PTPRD: variants seen among roughly 807,000 people sequenced by gnomAD.
The protein encoded by PTPRD is protein tyrosine phosphatase receptor type D, also known as receptor-type tyrosine-protein phosphatase delta.
A neutral mutation model predicts 214.5 loss-of-function variants in PTPRD; 34 were observed. That is an observed-to-expected ratio of 0.16 (90% CI 0.12 to 0.21). PTPRD has a LOEUF of 0.21. PTPRD is among the 10% of genes least tolerant of loss of function. PTPRD has a pLI of 1.00. For synonymous variants in PTPRD, 1,128 were observed against 845.7 expected, an observed-to-expected ratio of 1.33 and a Z score of -5.79; for missense variants, 2,545 against 2,398.7, an observed-to-expected ratio of 1.06 and a Z score of -1.27.
chr9:8,321,228 G>A (rs1320912489), intron 44 of PTPRD, among the ~76,000 whole-genome samples: 2 of 151,386 alleles, frequency 1.3e-5, no homozygotes, highest in East Asian at 3.9e-4. Context: ...AATGATCTAG[G>A]TACTCCAGAG....
chr9:8,587,444 A>C (rs1564542569), intron 14 of PTPRD, among the ~76,000 whole-genome samples: 1 of 152,244 alleles, frequency 6.6e-6, no homozygotes, highest in Non-Finnish European at 1.5e-5. Context: ...AAAGAAAAGA[A>C]TAAATACATA....
At chr9:8,803,158 C>T (rs1010579324) in intron 11 of PTPRD, among the ~76,000 whole-genome samples, 1 of 152,136 alleles carries the variant, frequency 6.6e-6, no homozygotes, top group Admixed American at 6.5e-5. Flanking sequence ...AAGCAATTGA[C>T]ACATAGTCAT....
chr9:9,606,772 A>C (rs1404625234), intron 7 of PTPRD, among the ~76,000 whole-genome samples: 1 of 151,828 alleles, frequency 6.6e-6, no homozygotes, highest in Non-Finnish European at 1.5e-5. Flanking sequence ...AAATGGGTAG[A>C]TAGAGGTGGA....
intron 4 of PTPRD, among the ~76,000 whole-genome samples, chr9:9,946,563 T>C (rs1321735650): frequency 6.6e-6 from 1 of 151,746 alleles, no homozygotes; most frequent in Non-Finnish European, 1.5e-5. Context: ...TGCCTGGATC[T>C]TACCGAGGCA....
chr9:9,913,986 G>A (rs534251827), intron 5 of PTPRD, among the ~76,000 whole-genome samples: 32 of 152,180 alleles, frequency 2.1e-4, no homozygotes, highest in Non-Finnish European at 4.3e-4. Flanking sequence ...TACAACCCCA[G>A]CTATGTGGAC....
chr9:8,499,050 A>T (rs184241560), intron 25 of PTPRD, among the ~76,000 whole-genome samples: 46 of 152,226 alleles, frequency 3.0e-4, no homozygotes, highest in Non-Finnish European at 4.6e-4. Context: ...CCTTGGTTCA[A>T]CGTAAGGATC....
At chr9:8,432,444 G>A (rs1018733150) in intron 35 of PTPRD, among the ~76,000 whole-genome samples, 17 of 152,080 alleles carry the variant, frequency 1.1e-4, no homozygotes, top group African/African-American at 3.6e-4. Flanking sequence ...CTACTTCCTC[G>A]TATTCTGACC....
chr9:10,544,048 T>A (rs950953755), intron 2 of PTPRD, among the ~76,000 whole-genome samples: 4 of 152,136 alleles, frequency 2.6e-5, no homozygotes, highest in South Asian at 2.1e-4. Context: ...AGGTACTATA[T>A]CATCATAGTC....
intron 7 of PTPRD, among the ~76,000 whole-genome samples, chr9:9,621,615 C>A (rs1019299432): frequency 6.6e-6 from 1 of 152,148 alleles, no homozygotes; most frequent in Non-Finnish European, 1.5e-5. Context: ...TCATAAATCC[C>A]AAATAGGCAT....
At chr9:9,962,636 A>G (rs1238439724) in intron 4 of PTPRD, among the ~76,000 whole-genome samples, 1 of 152,114 alleles carries the variant, frequency 6.6e-6, no homozygotes, top group Non-Finnish European at 1.5e-5. Context: ...TTAACGGTAG[A>G]CATAAATACT....
intron 14 of PTPRD, among the ~76,000 whole-genome samples, chr9:8,593,577 T>C (rs1437889201): frequency 6.6e-6 from 1 of 152,208 alleles, no homozygotes; most frequent in African/African-American, 2.4e-5. Flanking sequence ...TGGAGAAACA[T>C]CTTACCAATG....
At chr9:10,590,534 T>C (rs1374774166) in intron 2 of PTPRD, among the ~76,000 whole-genome samples, 1 of 152,084 alleles carries the variant, frequency 6.6e-6, no homozygotes, top group Non-Finnish European at 1.5e-5. Flanking sequence ...TCTAATATTC[T>C]GTTTTAGAAC....
chr9:9,262,981 C>T (rs1259765406), intron 9 of PTPRD, among the ~76,000 whole-genome samples: 1 of 151,590 alleles, frequency 6.6e-6, no homozygotes, highest in Non-Finnish European at 1.5e-5. Context: ...CAAATGCAAA[C>T]ACATCTGATA....
At chr9:9,079,747 A>T (rs1194969814) in intron 10 of PTPRD, among the ~76,000 whole-genome samples, 1 of 152,064 alleles carries the variant, frequency 6.6e-6, no homozygotes, top group Non-Finnish European at 1.5e-5. Context: ...GAGGATCACA[A>T]TATGTATGCA....
intron 9 of PTPRD, among the ~76,000 whole-genome samples, chr9:9,325,968 C>G (rs9408757): frequency 6.6e-6 from 1 of 151,976 alleles, no homozygotes; most frequent in African/African-American, 2.4e-5. Context: ...TTTTTGTCTT[C>G]GGTTCTGTTT....
At chr9:9,375,598 AAAAC>A (rs1280856170) in intron 9 of PTPRD, among the ~76,000 whole-genome samples, 5 of 152,196 alleles carry the variant, frequency 3.3e-5, no homozygotes, top group Non-Finnish European at 1.5e-5. Context: ...TCCGTCTCAA[AAAAC>A]AAACAAACAA....
At chr9:9,820,892 A>C (rs2050473072) in intron 5 of PTPRD, among the ~76,000 whole-genome samples, 1 of 152,202 alleles carries the variant, frequency 6.6e-6, no homozygotes, top group African/African-American at 2.4e-5. Flanking sequence ...ATGGACTTGC[A>C]GCATAGTTTG....
intron 9 of PTPRD, among the ~76,000 whole-genome samples, chr9:9,228,455 C>T (rs2099960961): frequency 6.6e-6 from 1 of 152,000 alleles, no homozygotes; most frequent in Admixed American, 6.6e-5. Flanking sequence ...CACATATATG[C>T]ATGTTGATAT....
intron 11 of PTPRD, among the ~76,000 whole-genome samples, chr9:8,796,086 A>G (rs1236385653): frequency 6.6e-6 from 1 of 152,216 alleles, no homozygotes; most frequent in Non-Finnish European, 1.5e-5. Flanking sequence ...GCCTTTCCAA[A>G]TAATCTATGC....
Sources: allele counts gnomAD v4.1 joint callset (sites outside exome capture counted in the v4.1 genomes callset), GRCh38; gene constraint gnomAD v4.1.1; transcripts MANE v1.5; gene names NCBI Gene and HGNC (gene_info 2026-07-23, HGNC 2026-07-21).